RBM33: variants seen among roughly 807,000 people sequenced by gnomAD.
RBM33 encodes the protein RNA-binding protein 33.
A neutral mutation model predicts 132.6 loss-of-function variants in RBM33; 28 were observed. The ratio of observed to expected loss-of-function variants is 0.21; its 90% CI spans 0.16 to 0.29. RBM33 has a LOEUF of 0.29. RBM33 is among the 10% of genes least tolerant of loss of function. RBM33 has a pLI of 1.00. For missense variants in RBM33, 1,291 were observed against 1,518.5 expected, an observed-to-expected ratio of 0.85 and a Z score of 2.49; for synonymous variants, 634 against 593.0, an observed-to-expected ratio of 1.07 and a Z score of -1.01.
chr7:155,700,129 A>C (rs1036930705), intron 5 of RBM33, among the ~76,000 whole-genome samples: 3 of 152,230 alleles, frequency 2.0e-5, no homozygotes, highest in Admixed American at 6.5e-5. Context: ...AAAATTTCAG[A>C]TAAAAGCTGG....
chr7:155,721,779 C>T (rs1267595099), intron 9 of RBM33, among the ~76,000 whole-genome samples: 1 of 152,114 alleles, frequency 6.6e-6, no homozygotes, highest in African/African-American at 2.4e-5. Context: ...AAATCCAAAT[C>T]TGAGGCCAAA....
At chr7:155,772,230 ACC>A (rs1802449995) in intron 16 of RBM33, among the ~76,000 whole-genome samples, 1 of 152,008 alleles carries the variant, frequency 6.6e-6, no homozygotes, top group African/African-American at 2.4e-5. Flanking sequence ...AACGGAGAGA[ACC>A]CCGGAGGCAC....
At chr7:155,705,691 T>C (rs1415019148) in intron 6 of RBM33, among the ~76,000 whole-genome samples, 1 of 152,222 alleles carries the variant, frequency 6.6e-6, no homozygotes, top group Non-Finnish European at 1.5e-5. Flanking sequence ...TGTCCCAATT[T>C]AGCTAGTGTT....
rs141042187 is a variant in RBM33 at position 155,749,764 on chromosome 7, C to G, written c.2979+4162C>G. Among the ~76,000 whole-genome samples, 285 of 152,306 alleles carry G rather than the reference C, an allele frequency of 1.9e-3. 2 individuals carry two copies. The East Asian group carries it at 0.024, about 13-fold the overall frequency. Reference sequence around the variant, plus strand: ...ATAGGCCTGGCGAGTGGCTGGGGTTCCATCATCCCGGTTCCAGAACCTGGG... The same window carrying G: ...ATAGGCCTGGCGAGTGGCTGGGGTTGCATCATCCCGGTTCCAGAACCTGGG... On this transcript the variant is annotated intron_variant, in intron 14 of 17. Coordinates refer to ENST00000401878, the MANE Select transcript of RBM33 (RefSeq NM_053043.3).
intron 9 of RBM33, among the ~76,000 whole-genome samples, chr7:155,733,217 C>A (rs1801008708): frequency 6.6e-6 from 1 of 152,154 alleles, no homozygotes. Flanking sequence ...GTCCAGGTTC[C>A]ACATTCTGAC....
intron 1 of RBM33, among the ~76,000 whole-genome samples, chr7:155,650,971 G>T (rs187207555): frequency 1.3e-3 from 201 of 152,178 alleles, no homozygotes; most frequent in Non-Finnish European, 9.9e-4. Flanking sequence ...TCCACCTCTT[G>T]GGTTCAAGCG....
At chr7:155,656,668 A>T (rs769261385) in intron 1 of RBM33, among the ~76,000 whole-genome samples, 8 of 152,252 alleles carry the variant, frequency 5.3e-5, no homozygotes, top group Non-Finnish European at 1.0e-4. Context: ...TGTTTTCTAC[A>T]AAGTCAGACA....
chr7:155,768,950 A>G (rs956732317), intron 16 of RBM33, among the ~76,000 whole-genome samples: 2 of 152,196 alleles, frequency 1.3e-5, no homozygotes, highest in Non-Finnish European at 2.9e-5. Flanking sequence ...AACCCATGGA[A>G]TTTGAGAACT....
intron 1 of RBM33, among the ~76,000 whole-genome samples, chr7:155,662,763 T>C (rs558620850): frequency 1.3e-5 from 2 of 152,198 alleles, no homozygotes; most frequent in Non-Finnish European, 2.9e-5. Flanking sequence ...GGAGCCCACA[T>C]GTCTCAGTAA....
At chr7:155,765,676 T>C (rs539686682) in intron 15 of RBM33, among the ~76,000 whole-genome samples, 1 of 152,342 alleles carries the variant, frequency 6.6e-6, no homozygotes, top group South Asian at 2.1e-4. Context: ...CTAGGCTACA[T>C]TGGGCACATA....
At chr7:155,766,798 G>T (rs1041239935) in intron 16 of RBM33, 143 bp downstream of exon 16, 4 of 771,754 alleles carry the variant, frequency 5.2e-6, no homozygotes, top group East Asian at 2.7e-5. Context: ...AACCTGTTGT[G>T]CATACTTAGT....
At chr7:155,647,043 C>T (rs1047441615) in intron 1 of RBM33, among the ~76,000 whole-genome samples, 3 of 152,256 alleles carry the variant, frequency 2.0e-5, no homozygotes, top group East Asian at 3.9e-4. Flanking sequence ...ATTGGTAATA[C>T]CTTATTGAGC....
chr7:155,712,095 C>T (rs186455098), intron 8 of RBM33, among the ~76,000 whole-genome samples: 4 of 152,112 alleles, frequency 2.6e-5, no homozygotes, highest in African/African-American at 7.2e-5. Context: ...CACTAGAGAC[C>T]GCTATTGGAA....
At chr7:155,733,123 G>A (rs537588090) in intron 9 of RBM33, among the ~76,000 whole-genome samples, 1 of 152,248 alleles carries the variant, frequency 6.6e-6, no homozygotes, top group South Asian at 2.1e-4. Context: ...TTTGCATTTT[G>A]GCTGAGACAG....
chr7:155,709,794 A>G (rs531124918), intron 7 of RBM33, among the ~76,000 whole-genome samples: 8 of 152,346 alleles, frequency 5.3e-5, no homozygotes, highest in African/African-American at 1.9e-4. Flanking sequence ...AGGGGGAAAC[A>G]TACTGCATTC....
chr7:155,646,459 T>G (rs551160854), intron 1 of RBM33, among the ~76,000 whole-genome samples: 2 of 152,314 alleles, frequency 1.3e-5, no homozygotes, highest in Admixed American at 1.3e-4. Context: ...AAAGTTTCCT[T>G]TGCTCTTCAT....
chr7:155,681,001 A>T, intron 5 of RBM33, 93 bp downstream of exon 5: 1 of 1,025,904 alleles, frequency 9.7e-7, no homozygotes, highest in Non-Finnish European at 1.4e-6. Flanking sequence ...CTCCCCTGGG[A>T]GGGAGGGGAA....
chr7:155,712,748 T>C (rs1800342478), intron 8 of RBM33, among the ~76,000 whole-genome samples: 1 of 152,148 alleles, frequency 6.6e-6, no homozygotes. Context: ...CCAGCGTGAC[T>C]TTTGTGGAGT....
chr7:155,756,586 C>T (rs543458778), intron 14 of RBM33, among the ~76,000 whole-genome samples: 2 of 152,152 alleles, frequency 1.3e-5, no homozygotes, highest in African/African-American at 4.8e-5. Context: ...CGTTGCAGTT[C>T]ACTCCTCTCG....
Sources: gnomAD v4.1 joint callset for allele counts (sites outside exome capture counted in the v4.1 genomes callset) on GRCh38, gnomAD v4.1.1 for gene constraint, MANE v1.5 for transcripts, NCBI Gene and HGNC (gene_info 2026-07-23, HGNC 2026-07-21) for gene names.